The following EYA2 variants were observed in gnomAD, a reference collection of about 807,000 sequenced individuals.
EYA2 encodes the protein protein phosphatase EYA2.
A neutral mutation model predicts 69.2 loss-of-function variants in EYA2; 31 were observed. That is an observed-to-expected ratio of 0.45 (90% CI 0.34 to 0.60). The LOEUF (loss-of-function observed/expected upper bound fraction) is 0.60. Among genes scored for constraint, EYA2 ranks in the 20% least tolerant of loss-of-function variants. EYA2 has a pLI of 0.02. For synonymous variants in EYA2, 257 were observed against 279.4 expected, an observed-to-expected ratio of 0.92 and a Z score of 0.80; for missense variants, 622 against 701.2, an observed-to-expected ratio of 0.89 and a Z score of 1.28.
chr20:47,142,599 A>G (rs2033619395), intron 9 of EYA2, among the ~76,000 whole-genome samples: 1 of 152,250 alleles, frequency 6.6e-6, no homozygotes, highest in Admixed American at 6.5e-5. Context: ...GGAGTAAGGC[A>G]GTGTGCCTAG....
intron 5 of EYA2, among the ~76,000 whole-genome samples, chr20:47,061,193 G>C (rs748921666): frequency 7.2e-5 from 11 of 151,926 alleles, no homozygotes; most frequent in Non-Finnish European, 1.2e-4. Context: ...CTTGTCTCTT[G>C]TCCTACCCCA....
At chr20:46,956,361 CAAAT>C (rs1979126663) in intron 1 of EYA2, among the ~76,000 whole-genome samples, 1 of 152,168 alleles carries the variant, frequency 6.6e-6, no homozygotes, top group Non-Finnish European at 1.5e-5. Flanking sequence ...GCTGCTGTAA[CAAAT>C]AAACCCTATA....
intron 5 of EYA2, among the ~76,000 whole-genome samples, chr20:47,062,641 G>C (rs1224277016): frequency 6.6e-6 from 1 of 152,162 alleles, no homozygotes; most frequent in Non-Finnish European, 1.5e-5. Flanking sequence ...TCTGGCACAT[G>C]AGCTGTTTTG....
chr20:47,150,711 C>T (rs1005935513), intron 10 of EYA2, among the ~76,000 whole-genome samples: 1 of 152,028 alleles, frequency 6.6e-6, no homozygotes, highest in African/African-American at 2.4e-5. Context: ...AAGGAATCCT[C>T]CTGCCTTGGG....
At chr20:47,158,019 C>CT (rs1223741168) in intron 10 of EYA2, among the ~76,000 whole-genome samples, 1 of 151,956 alleles carries the variant, frequency 6.6e-6, no homozygotes, top group Non-Finnish European at 1.5e-5. Flanking sequence ...TGGAAGGCCC[C>CT]TGCGATCCCA....
intron 14 of EYA2, 132 bp downstream of exon 14, chr20:47,181,068 AT>A (rs2034528816): frequency 7.6e-7 from 1 of 1,315,848 alleles, no homozygotes; most frequent in African/African-American, 1.5e-5. Flanking sequence ...CATGACTCAG[AT>A]TCCCAAAACA....
intron 5 of EYA2, among the ~76,000 whole-genome samples, chr20:47,049,186 A>G: frequency 1.4e-5 from 1 of 71,132 alleles, no homozygotes; most frequent in East Asian, 4.1e-4. Flanking sequence ...AGTTGCAAAG[A>G]TAGTACAGAG....
chr20:46,947,155 G>A (rs1240397714), intron 1 of EYA2, among the ~76,000 whole-genome samples: 1 of 152,168 alleles, frequency 6.6e-6, no homozygotes, highest in African/African-American at 2.4e-5. Flanking sequence ...GGAATGGCTG[G>A]CTGAGAAGCA....
chr20:46,933,542 T>C (rs376007920), intron 1 of EYA2, among the ~76,000 whole-genome samples: 59 of 152,326 alleles, frequency 3.9e-4, no homozygotes, highest in African/African-American at 1.3e-3. Context: ...AGACAACAGA[T>C]GGCATCAGTG....
intron 5 of EYA2, among the ~76,000 whole-genome samples, chr20:47,071,049 C>T (rs1397628971): frequency 3.3e-5 from 5 of 151,796 alleles, no homozygotes; most frequent in Non-Finnish European, 5.9e-5. Context: ...TGCTCTGTCA[C>T]CCAGAGCTGG....
intron 1 of EYA2, among the ~76,000 whole-genome samples, chr20:46,948,599 G>A (rs548009127): frequency 6.6e-6 from 1 of 152,268 alleles, no homozygotes; most frequent in Non-Finnish European, 1.5e-5. Context: ...GTTGAAAGAA[G>A]CCACTGAAAA....
At chr20:46,898,305 T>C (rs537229919) in intron 1 of EYA2, among the ~76,000 whole-genome samples, 1 of 150,976 alleles carries the variant, frequency 6.6e-6, no homozygotes, top group South Asian at 2.1e-4. Flanking sequence ...CTAACTGTTC[T>C]GAAAAAGGAG....
At chr20:46,965,288 C>T (rs1249803855) in intron 1 of EYA2, among the ~76,000 whole-genome samples, 1 of 152,244 alleles carries the variant, frequency 6.6e-6, no homozygotes, top group Non-Finnish European at 1.5e-5. Context: ...TGAGCAACTA[C>T]AGCCCAGTGT....
Position 46,905,120 on chromosome 20 carries a change from A to G in EYA2, c.-11+10133A>G, listed in dbSNP as rs73908714. Among the ~76,000 whole-genome samples the G allele has an allele frequency of 6.9e-3, 1,049 of 152,338 alleles. 14 individuals carry two copies. The highest frequency in any genetic ancestry group is 0.023 in the African/African-American group (963 of 41,578). ...TTCAGGGAGGAGAATGGAGGAGGGA[A>G]GAAGGAGACATAAAAATGGCTCACA... is the stretch of plus-strand genomic sequence containing the variant. On this transcript the variant is annotated intron_variant, in intron 1 of 15. Coordinates refer to ENST00000327619, the MANE Select transcript of EYA2 (RefSeq NM_005244.5).
intron 7 of EYA2, among the ~76,000 whole-genome samples, chr20:47,088,186 A>T (rs367914532): frequency 1.1e-4 from 17 of 152,346 alleles, no homozygotes; most frequent in East Asian, 7.7e-4. Context: ...GTGAGCCGGG[A>T]TCACGCCATT....
chr20:46,903,650 A>C (rs1287677973), intron 1 of EYA2, among the ~76,000 whole-genome samples: 1 of 152,176 alleles, frequency 6.6e-6, no homozygotes, highest in East Asian at 1.9e-4. Context: ...TCTGTAAAGC[A>C]GGGTGAATAA....
intron 8 of EYA2, among the ~76,000 whole-genome samples, chr20:47,091,622 G>A (rs1482281214): frequency 6.8e-6 from 1 of 147,294 alleles, no homozygotes; most frequent in Non-Finnish European, 1.5e-5. Context: ...GCACACACCT[G>A]TAGTCCCAGC....
At chr20:47,072,332 A>G (rs2146473673) in intron 6 of EYA2, 80 bp downstream of exon 6, 1 of 1,336,952 alleles carries the variant, frequency 7.5e-7, no homozygotes, top group East Asian at 2.5e-5. Context: ...CAGAGAGCCC[A>G]CGACACACAC....
intron 1 of EYA2, among the ~76,000 whole-genome samples, chr20:46,945,384 G>C (rs186127219): frequency 6.6e-6 from 1 of 152,306 alleles, no homozygotes; most frequent in East Asian, 1.9e-4. Flanking sequence ...AATTCCCTGT[G>C]TTTAACCAGC....
Sources: allele counts gnomAD v4.1 joint callset (sites outside exome capture counted in the v4.1 genomes callset), GRCh38; gene constraint gnomAD v4.1.1; transcripts MANE v1.5; gene names NCBI Gene and HGNC (gene_info 2026-07-23, HGNC 2026-07-21).